The following GALNTL6 variants were observed in gnomAD, a reference collection of about 807,000 sequenced individuals.
GALNTL6 encodes the protein polypeptide N-acetylgalactosaminyltransferase like 6, also known as polypeptide N-acetylgalactosaminyltransferase-like 6.
A neutral mutation model predicts 73.7 loss-of-function variants in GALNTL6; 46 were observed. The observed-to-expected ratio is 0.62, with a 90% CI of 0.49 to 0.80. The LOEUF (loss-of-function observed/expected upper bound fraction) is 0.80. Ranked by LOEUF, GALNTL6 falls within the 30% of genes least tolerant of loss-of-function variation. The pLI, the probability that GALNTL6 is intolerant of heterozygous loss-of-function variation, is 0.00. For missense variants in GALNTL6, 604 were observed against 755.0 expected, an observed-to-expected ratio of 0.80 and a Z score of 2.34; for synonymous variants, 259 against 263.7, an observed-to-expected ratio of 0.98 and a Z score of 0.17.
At chr4:171,959,298 A>G (rs332969) in intron 2 of GALNTL6, among the ~76,000 whole-genome samples, 72,965 of 151,934 alleles carry the variant, frequency 0.48, 18,072 homozygotes, top group East Asian at 0.59. Context: ...TGAATTAATC[A>G]TTAGGCAATG....
intron 2 of GALNTL6, among the ~76,000 whole-genome samples, chr4:172,156,424 G>A (rs1024415619): frequency 6.6e-6 from 1 of 150,710 alleles, no homozygotes; most frequent in African/African-American, 2.4e-5. Context: ...CATTTTCTGC[G>A]TGATTTTGAT....
At chr4:172,090,388 C>A (rs945924031) in intron 2 of GALNTL6, among the ~76,000 whole-genome samples, 7 of 152,148 alleles carry the variant, frequency 4.6e-5, no homozygotes, top group African/African-American at 1.2e-4. Context: ...TTAATGATTG[C>A]CATTCTAACT....
chr4:172,002,085 A>G (rs1202374573), intron 2 of GALNTL6, among the ~76,000 whole-genome samples: 2 of 152,172 alleles, frequency 1.3e-5, no homozygotes, highest in Non-Finnish European at 2.9e-5. Context: ...AATTTCTCAC[A>G]GAGCTATCCA....
intron 2 of GALNTL6, among the ~76,000 whole-genome samples, chr4:171,932,773 A>C (rs908865580): frequency 5.3e-5 from 8 of 152,228 alleles, no homozygotes; most frequent in Admixed American, 3.3e-4. Flanking sequence ...CCTTGGCAAC[A>C]TACCCCAATT....
intron 5 of GALNTL6, among the ~76,000 whole-genome samples, chr4:172,553,131 A>T (rs1433550380): frequency 1.3e-5 from 2 of 152,164 alleles, no homozygotes; most frequent in Non-Finnish European, 2.9e-5. Flanking sequence ...AAATCATATG[A>T]AATTGCCAAT....
intron 3 of GALNTL6, among the ~76,000 whole-genome samples, chr4:172,234,868 A>G (rs914273147): frequency 3.3e-5 from 5 of 152,108 alleles, no homozygotes; most frequent in Non-Finnish European, 7.4e-5. Flanking sequence ...GTAAACTAAA[A>G]TTATTTCTTT....
intron 5 of GALNTL6, among the ~76,000 whole-genome samples, chr4:172,459,977 A>G (rs1732553145): frequency 6.6e-6 from 1 of 152,194 alleles, no homozygotes; most frequent in South Asian, 2.1e-4. Context: ...CTACAAGTCT[A>G]TAGTAACAAA....
At chr4:172,746,147 G>A (rs1015906118) in intron 5 of GALNTL6, among the ~76,000 whole-genome samples, 3 of 151,868 alleles carry the variant, frequency 2.0e-5, no homozygotes, top group Non-Finnish European at 4.4e-5. Flanking sequence ...ATTATTATAG[G>A]CAATTATTAT....
chr4:172,119,206 G>T (rs766678737), intron 2 of GALNTL6, among the ~76,000 whole-genome samples: 1 of 151,964 alleles, frequency 6.6e-6, no homozygotes, highest in South Asian at 2.1e-4. Context: ...TTTTTATTGC[G>T]CATTCATGGC....
intron 12 of GALNTL6, among the ~76,000 whole-genome samples, chr4:173,030,010 A>G (rs1472200604): frequency 6.6e-6 from 1 of 152,214 alleles, no homozygotes; most frequent in East Asian, 1.9e-4. Flanking sequence ...TCAACCAGAT[A>G]AAAATTCATG....
intron 5 of GALNTL6, among the ~76,000 whole-genome samples, chr4:172,589,014 G>T (rs561054681): frequency 3.9e-5 from 6 of 152,232 alleles, no homozygotes; most frequent in African/African-American, 1.4e-4. Flanking sequence ...TACATTAGTC[G>T]ATTAAATATT....
intron 10 of GALNTL6, 33 bp downstream of exon 10, chr4:172,952,291 C>T (rs759940448): frequency 6.6e-7 from 1 of 1,520,100 alleles, no homozygotes; most frequent in Admixed American, 1.7e-5. Flanking sequence ...CTGCGCCTAC[C>T]TATGAGACTG....
At chr4:172,427,306 G>C (rs1731268768) in intron 5 of GALNTL6, among the ~76,000 whole-genome samples, 1 of 152,110 alleles carries the variant, frequency 6.6e-6, no homozygotes, top group African/African-American at 2.4e-5. Context: ...TTACATGGCA[G>C]CAGGCAAGAG....
rs553049729 is a variant in GALNTL6, at chr4:173,003,309, G to T, written c.1372-5869G>T. On this transcript the variant is annotated intron_variant, in intron 10 of 12. Coordinates refer to ENST00000506823, the MANE Select transcript of GALNTL6 (RefSeq NM_001034845.3). ...GTATGTTTGGTGTGGCGCTCAAATT[G>T]CCAAATTGAGATCTTGGGGGATTGT... Among the ~76,000 whole-genome samples the T allele has an allele frequency of 2.0e-5, 3 of 152,220 alleles. No homozygotes were observed. The East Asian group carries it at 5.8e-4, about 29-fold the overall frequency.
intron 2 of GALNTL6, among the ~76,000 whole-genome samples, chr4:171,932,720 G>T (rs1366038168): frequency 9.2e-5 from 14 of 152,186 alleles, no homozygotes; most frequent in Admixed American, 9.2e-4. Context: ...TTTAGAGAAT[G>T]AAATAGAATG....
chr4:172,449,020 A>T (rs1732120373), intron 5 of GALNTL6, among the ~76,000 whole-genome samples: 1 of 152,154 alleles, frequency 6.6e-6, no homozygotes, highest in Non-Finnish European at 1.5e-5. Context: ...TTTACCTTTT[A>T]TGGAGAATAT....
chr4:173,020,373 A>C (rs941356006), intron 11 of GALNTL6, among the ~76,000 whole-genome samples: 1 of 152,250 alleles, frequency 6.6e-6, no homozygotes, highest in African/African-American at 2.4e-5. Context: ...AATGGGATAC[A>C]TAATAGAATT....
At chr4:172,925,953 T>G (rs1470770948) in intron 8 of GALNTL6, among the ~76,000 whole-genome samples, 1 of 152,208 alleles carries the variant, frequency 6.6e-6, no homozygotes, top group Non-Finnish European at 1.5e-5. Context: ...TTTATTACTG[T>G]GTGTTTATTA....
At chr4:172,637,670 T>C (rs917895030) in intron 5 of GALNTL6, among the ~76,000 whole-genome samples, 1 of 152,178 alleles carries the variant, frequency 6.6e-6, no homozygotes, top group African/African-American at 2.4e-5. Context: ...TTTAACATAA[T>C]TGAATATTCC....
Sources: allele counts gnomAD v4.1 joint callset (sites outside exome capture counted in the v4.1 genomes callset), GRCh38; gene constraint gnomAD v4.1.1; transcripts MANE v1.5; gene names NCBI Gene and HGNC (gene_info 2026-07-23, HGNC 2026-07-21).